Variants in HCN1 observed in about 807,000 individuals in gnomAD.
The protein encoded by HCN1 is potassium/sodium hyperpolarization-activated cyclic nucleotide-gated channel 1.
A neutral mutation model predicts 78.9 loss-of-function variants in HCN1; 13 were observed. The ratio of observed to expected loss-of-function variants is 0.16; its 90% CI spans 0.11 to 0.26. HCN1 has a LOEUF of 0.26. Among genes scored for constraint, HCN1 ranks in the 10% least tolerant of loss-of-function variants. HCN1 has a pLI of 1.00. For synonymous variants in HCN1, 552 were observed against 455.5 expected (o/e 1.21, Z -2.70); for missense variants, 810 against 1,154.3 (o/e 0.70, Z 4.32).
At chr5:45,473,525 C>G (rs1203905779) in intron 2 of HCN1, among the ~76,000 whole-genome samples, 1 of 151,742 alleles carries the variant, frequency 6.6e-6, no homozygotes, top group Non-Finnish European at 1.5e-5. Flanking sequence ...CTTTTTCTCT[C>G]TGATGCCTCA....
chr5:45,602,331 T>C (rs751099672), intron 2 of HCN1, among the ~76,000 whole-genome samples: 1 of 152,048 alleles, frequency 6.6e-6, no homozygotes, highest in East Asian at 1.9e-4. Flanking sequence ...AGTATACTTA[T>C]AAGAAGAGGT....
Position 45,639,738 on chromosome 5 carries a change from C to A in HCN1, c.849+5447G>T, listed in dbSNP as rs191100017. Among the ~76,000 whole-genome samples, 270 of 152,270 alleles carry A rather than the reference C, an allele frequency of 1.8e-3. 3 individuals are homozygous for A. The highest frequency in any genetic ancestry group is 2.2e-3 in the Non-Finnish European group (152 of 68,016). ...CTATCTAAAAAAGTACTGTGTTTGACACCGACTGCATACAAAAAAATGCGA... is the reference window on the plus strand; with the variant it reads ...CTATCTAAAAAAGTACTGTGTTTGAAACCGACTGCATACAAAAAAATGCGA... On this transcript the variant is annotated intron_variant, in intron 2 of 7. Coordinates refer to ENST00000303230, the MANE Select transcript of HCN1 (RefSeq NM_021072.4).
In HCN1 at chr5:45,262,622, A is replaced by T; in HGVS notation, c.1972T>A (p.Ser658Thr). Residue 658 changes from serine (S) to threonine (T), a missense_variant, in exon 8 of 8, where the codon TCC (serine) becomes ACC (threonine). Around this residue, in one of 6 missense-constraint regions of HCN1, gnomAD observed 398 missense variants for 381.3 expected, o/e 1.04. Coordinates refer to ENST00000303230, the MANE Select transcript of HCN1 (RefSeq NM_021072.4). Reference sequence around the variant, plus strand: ...GGTGGAGATTGTGTCCTCATGCGGGAGGTCGGGGTCGTAGTAGACGATGTG... The same window carrying T: ...GGTGGAGATTGTGTCCTCATGCGGGTGGTCGGGGTCGTAGTAGACGATGTG... ...NSTSSTTTPT[S>T]RMRTQSPPVY... The T allele has an allele frequency of 2.5e-6, 4 of 1,613,628 alleles. No individual in the cohort carries two copies. Among genetic ancestry groups the T allele is most frequent in the Non-Finnish European group, 3.4e-6 (4 of 1,179,914 alleles).
intron 1 of HCN1, among the ~76,000 whole-genome samples, chr5:45,682,013 C>T (rs1002532338): frequency 6.6e-6 from 1 of 151,812 alleles, no homozygotes; most frequent in African/African-American, 2.4e-5. Flanking sequence ...AGGATAGAGC[C>T]TTCATGAATG....
At chr5:45,369,521 G>A (rs1012544263) in intron 4 of HCN1, among the ~76,000 whole-genome samples, 18 of 151,996 alleles carry the variant, frequency 1.2e-4, no homozygotes, top group African/African-American at 3.9e-4. Context: ...CAGCCTGATT[G>A]GTACTCTCAA....
At chr5:45,307,203 T>C (rs1193390083) in intron 5 of HCN1, among the ~76,000 whole-genome samples, 1 of 152,062 alleles carries the variant, frequency 6.6e-6, no homozygotes, top group Non-Finnish European at 1.5e-5. Context: ...CACATACAAA[T>C]CTAAATGATT....
At chr5:45,373,896 C>A (rs1747505131) in intron 4 of HCN1, among the ~76,000 whole-genome samples, 2 of 129,946 alleles carry the variant, frequency 1.5e-5, no homozygotes, top group South Asian at 4.8e-4. Flanking sequence ...TATATGTCAT[C>A]TATAATATAT....
At chr5:45,543,639 A>C (rs764923037) in intron 2 of HCN1, among the ~76,000 whole-genome samples, 5 of 152,212 alleles carry the variant, frequency 3.3e-5, no homozygotes, top group Non-Finnish European at 5.9e-5. Context: ...AAAATTTCCT[A>C]ATCCTGGTAA....
chr5:45,590,655 A>G (rs1416897414), intron 2 of HCN1, among the ~76,000 whole-genome samples: 1 of 151,962 alleles, frequency 6.6e-6, no homozygotes, highest in Non-Finnish European at 1.5e-5. Context: ...CCTCCCACAA[A>G]CCTGTGGAAA....
intron 4 of HCN1, among the ~76,000 whole-genome samples, chr5:45,384,917 T>C (rs1747882546): frequency 6.6e-6 from 1 of 152,174 alleles, no homozygotes; most frequent in Non-Finnish European, 1.5e-5. Flanking sequence ...TGTGAATTAA[T>C]TGAGATTAAA....
intron 2 of HCN1, among the ~76,000 whole-genome samples, chr5:45,560,851 G>A (rs920274283): frequency 2.6e-5 from 4 of 152,010 alleles, no homozygotes; most frequent in Non-Finnish European, 5.9e-5. Flanking sequence ...TTTCTGGTTC[G>A]TAAATACGAC....
intron 2 of HCN1, among the ~76,000 whole-genome samples, chr5:45,612,326 T>C (rs564880575): frequency 3.3e-5 from 5 of 152,282 alleles, no homozygotes; most frequent in African/African-American, 1.2e-4. Flanking sequence ...TTTCAACCTA[T>C]AAAAATTATT....
chr5:45,676,633 A>T (rs1561241768), intron 1 of HCN1, among the ~76,000 whole-genome samples: 1 of 151,790 alleles, frequency 6.6e-6, no homozygotes, highest in Non-Finnish European at 1.5e-5. Context: ...GAAAGAATAG[A>T]AGGTCTAAAA....
chr5:45,309,265 G>A (rs936324547), intron 5 of HCN1, among the ~76,000 whole-genome samples: 2 of 152,110 alleles, frequency 1.3e-5, no homozygotes, highest in Non-Finnish European at 2.9e-5. Context: ...GGAAGCTTTA[G>A]GCTGTCATAA....
At chr5:45,409,178 T>C (rs1739981808) in intron 3 of HCN1, among the ~76,000 whole-genome samples, 1 of 152,170 alleles carries the variant, frequency 6.6e-6, no homozygotes, top group East Asian at 1.9e-4. Context: ...ACAAGCTCTA[T>C]ATAAAAGAGC....
intron 2 of HCN1, among the ~76,000 whole-genome samples, chr5:45,550,781 T>C (rs1743350776): frequency 6.6e-6 from 1 of 152,066 alleles, no homozygotes; most frequent in Non-Finnish European, 1.5e-5. Flanking sequence ...TCAAAAAGCA[T>C]ATTTAATCCA....
chr5:45,629,664 TGC>T (rs1346620175), intron 2 of HCN1, among the ~76,000 whole-genome samples: 1 of 152,146 alleles, frequency 6.6e-6, no homozygotes, highest in African/African-American at 2.4e-5. Flanking sequence ...TGGGTTTTAT[TGC>T]TTGTATTTCA....
intron 2 of HCN1, among the ~76,000 whole-genome samples, chr5:45,608,381 G>GT (rs1218322966): frequency 2.7e-5 from 4 of 150,732 alleles, no homozygotes; most frequent in Admixed American, 6.7e-5. Flanking sequence ...GTGTGTGTGT[G>GT]TGTGTGTGTG....
chr5:45,617,141 AAGC>A (rs1170304436), intron 2 of HCN1, among the ~76,000 whole-genome samples: 2 of 152,070 alleles, frequency 1.3e-5, no homozygotes, highest in Non-Finnish European at 2.9e-5. Flanking sequence ...AAGAGAACAC[AAGC>A]TATAAAGTCA....
Sources: gnomAD v4.1 joint callset for allele counts (sites outside exome capture counted in the v4.1 genomes callset) on GRCh38, gnomAD v4.1.1 for gene constraint, gnomAD v4.1.1 regional missense constraint, MANE v1.5 for transcripts, NCBI Gene and HGNC (gene_info 2026-07-23, HGNC 2026-07-21) for gene names.